The following MAP2K4 variants were observed in gnomAD, a reference collection of about 807,000 sequenced individuals.
MAP2K4 encodes the protein dual specificity mitogen-activated protein kinase kinase 4.
Under a neutral mutation model 48.5 loss-of-function variants are expected in MAP2K4, and 4 were observed. The observed-to-expected ratio is 0.08, with a 90% CI of 0.04 to 0.19. The LOEUF (loss-of-function observed/expected upper bound fraction) is 0.19, where lower values mean the gene tolerates loss of function less well. MAP2K4 is among the 10% of genes least tolerant of loss of function. The pLI, the probability that MAP2K4 is intolerant of heterozygous loss-of-function variation, is 1.00. For missense variants in MAP2K4, 258 were observed against 493.3 expected (o/e 0.52, Z 4.52); for synonymous variants, 166 against 173.1 (o/e 0.96, Z 0.32).
intron 1 of MAP2K4, among the ~76,000 whole-genome samples, 187 bp from the exon 2 acceptor site, chr17:12,054,702 A>G (rs1381211468): frequency 6.6e-6 from 1 of 152,134 alleles, no homozygotes; most frequent in Non-Finnish European, 1.5e-5. Context: ...TGTAGTTAGT[A>G]ACAACTTTAG....
chr17:12,139,941 A>T (rs1405373850), intron 10 of MAP2K4, 57 bp downstream of exon 10: 97 of 1,266,340 alleles, frequency 7.7e-5, no homozygotes, highest in Non-Finnish European at 1.1e-5. Flanking sequence ...CTCTCTTAAC[A>T]TGCTGGTTCA....
At chr17:12,123,730 A>C (rs1028979365) in intron 7 of MAP2K4, among the ~76,000 whole-genome samples, 1 of 151,618 alleles carries the variant, frequency 6.6e-6, no homozygotes, top group Non-Finnish European at 1.5e-5. Context: ...TTGTAATTTC[A>C]TTTTCATTTA....
chr17:12,074,777 C>T (rs116740853), intron 2 of MAP2K4, among the ~76,000 whole-genome samples: 13 of 152,300 alleles, frequency 8.5e-5, no homozygotes, highest in Middle Eastern at 6.8e-3. Context: ...AGGGTACTGC[C>T]AGGATCTTCC....
chr17:12,078,959 C>T (rs1038745807), intron 2 of MAP2K4, among the ~76,000 whole-genome samples: 4 of 152,122 alleles, frequency 2.6e-5, no homozygotes, highest in Non-Finnish European at 4.4e-5. Flanking sequence ...TATGAACATG[C>T]CTTGGTGATG....
At chr17:12,110,224 A>G in intron 5 of MAP2K4, 151 bp from the exon 6 acceptor site, 1 of 635,686 alleles carries the variant, frequency 1.6e-6, no homozygotes, top group Admixed American at 3.4e-5. Context: ...ATTATTCAGT[A>G]TCTTTGGTTA....
Position 12,107,828 on chromosome 17 carries a change from G to T in MAP2K4, c.552G>T (p.Ser184=), listed in dbSNP as rs772644297. 10 of 1,605,042 alleles carry T rather than the reference G, an allele frequency of 6.2e-6. No individual in the cohort carries two copies. In the East Asian group the frequency reaches 2.2e-4, roughly 36 times the overall value. Residue 184 remains serine, a synonymous_variant, in exon 5 of 11, where the codon TCG becomes TCT. Coordinates refer to ENST00000353533, the MANE Select transcript of MAP2K4 (RefSeq NM_003010.4). ...TCTGTATGGAACTCATGTCTACCTC[G>T]TTTGATAAGTTTTACAAATATGTAT... The part of the protein sequence containing the change: ...CWICMELMST[S]FDKFYKYVYS...
intron 1 of MAP2K4, chr17:12,032,251 T>C (rs556453371): frequency 1.9e-4 from 261 of 1,410,356 alleles, no homozygotes; most frequent in Non-Finnish European, 2.2e-4. Flanking sequence ...CTGGAACTTA[T>C]CTTTTTTACT....
At chr17:12,082,673 A>G (rs979039567) in intron 3 of MAP2K4, among the ~76,000 whole-genome samples, 51 of 152,326 alleles carry the variant, frequency 3.3e-4, no homozygotes, top group African/African-American at 1.2e-3. Flanking sequence ...TATGAAAGTA[A>G]TGTTAAATTA....
chr17:12,058,547 T>C (rs2151528976), intron 2 of MAP2K4, among the ~76,000 whole-genome samples: 1 of 152,314 alleles, frequency 6.6e-6, no homozygotes, highest in Middle Eastern at 3.4e-3. Flanking sequence ...TTTTAAACCT[T>C]TTATTATGGA....
At position 12,090,383 on chromosome 17, in the gene MAP2K4, A is replaced by G. The variant is rs565883936; in HGVS notation, c.394-5192A>G. 2.6e-5 allele frequency among the ~76,000 whole-genome samples: 4 copies of G among 152,302 alleles called. No homozygotes were observed. In the East Asian group the frequency reaches 5.8e-4, roughly 22 times the overall value. ...CTGAGATATCTTTGAGCACCCTAACATGGAGATGTAAGGGTTAACTCTGAA... is the reference window on the plus strand; with the variant it reads ...CTGAGATATCTTTGAGCACCCTAACGTGGAGATGTAAGGGTTAACTCTGAA... On this transcript the variant is annotated intron_variant, in intron 3 of 10. Transcript: ENST00000353533.
chr17:12,056,346 C>CT (rs1647147758), intron 2 of MAP2K4, among the ~76,000 whole-genome samples: 1 of 151,942 alleles, frequency 6.6e-6, no homozygotes, highest in Non-Finnish European at 1.5e-5. Context: ...TCTGGAGTTT[C>CT]TTTATGTATG....
chr17:12,138,165 A>G (rs776328524), intron 9 of MAP2K4, among the ~76,000 whole-genome samples: 9 of 152,142 alleles, frequency 5.9e-5, no homozygotes, highest in Non-Finnish European at 8.8e-5. Context: ...GAAGAAATAC[A>G]GTTTTAGGAA....
rs765122030 is a variant in MAP2K4, at chr17:12,141,121, CT to C, written c.1087-20del. On this transcript the variant is annotated intron_variant, in intron 10 of 10. Coordinates refer to ENST00000353533, the MANE Select transcript of MAP2K4 (RefSeq NM_003010.4). ...TTTGGGCTGTCATACAAACTTTTGA[CT>C]TTTTTGTTTTCAATTTTCTTGCAGA... 1.3e-4 allele frequency: 195 copies of C among 1,502,174 alleles called. 1 individual carries two copies. Among genetic ancestry groups the C allele is most frequent in the Middle Eastern group, 1.2e-3 (7 of 5,898 alleles). 93.1% of individuals were successfully genotyped at this position (1,502,174 alleles called of 1,614,324 possible).
At chr17:12,128,187 C>G (rs1972912840) in intron 8 of MAP2K4, among the ~76,000 whole-genome samples, 2 of 152,202 alleles carry the variant, frequency 1.3e-5, no homozygotes, top group African/African-American at 4.8e-5. Flanking sequence ...ATGCCATTCC[C>G]CTGCCTCAGC....
intron 6 of MAP2K4, among the ~76,000 whole-genome samples, chr17:12,111,154 C>A (rs904992360): frequency 2.6e-5 from 4 of 152,042 alleles, no homozygotes; most frequent in Admixed American, 6.6e-5. Flanking sequence ...CAGTAAGTGG[C>A]AGTGTGTGAT....
chr17:12,104,370 T>C (rs1044393476), intron 4 of MAP2K4, among the ~76,000 whole-genome samples: 1 of 152,142 alleles, frequency 6.6e-6, no homozygotes, highest in Non-Finnish European at 1.5e-5. Flanking sequence ...ACATACATTG[T>C]ACAGAGGAAA....
chr17:12,068,198 T>G (rs781607255), intron 2 of MAP2K4, among the ~76,000 whole-genome samples: 1 of 151,814 alleles, frequency 6.6e-6, no homozygotes, highest in East Asian at 1.9e-4. Context: ...GTAGAGACAG[T>G]TAGGTATGGA....
intron 1 of MAP2K4, among the ~76,000 whole-genome samples, chr17:12,040,628 A>C (rs1392609693): frequency 6.6e-6 from 1 of 152,146 alleles, no homozygotes; most frequent in African/African-American, 2.4e-5. Flanking sequence ...CAGCTTTTAA[A>C]ATTTGTGTTC....
chr17:12,057,739 G>T (rs1970327346), intron 2 of MAP2K4, among the ~76,000 whole-genome samples: 1 of 151,868 alleles, frequency 6.6e-6, no homozygotes, highest in African/African-American at 2.4e-5. Flanking sequence ...TTCTTACTCT[G>T]TATCCTGGGA....
Sources: allele counts gnomAD v4.1 joint callset (sites outside exome capture counted in the v4.1 genomes callset), GRCh38; gene constraint gnomAD v4.1.1; transcripts MANE v1.5; gene names NCBI Gene and HGNC (gene_info 2026-07-23, HGNC 2026-07-21).